Variants in SCHIP1 observed in about 807,000 individuals in gnomAD.
SCHIP1 encodes the protein schwannomin-interacting protein 1.
A neutral mutation model predicts 29.7 loss-of-function variants in SCHIP1; 8 were observed. The ratio of observed to expected loss-of-function variants is 0.27; its 90% confidence interval spans 0.16 to 0.49. The LOEUF is 0.49. Ranked by LOEUF, SCHIP1 falls within the 20% of genes least tolerant of loss-of-function variation. The pLI, the probability that SCHIP1 is intolerant of heterozygous loss-of-function variation, is 0.99. For synonymous variants in SCHIP1, 76 were observed against 94.9 expected (o/e 0.80, Z 1.16); for missense variants, 193 against 294.6 (o/e 0.66, Z 2.52).
the SCHIP1 span, among the ~76,000 whole-genome samples, chr3:159,681,917 A>G: frequency 2.4e-5 from 2 of 83,296 alleles, no homozygotes; most frequent in African/African-American, 1.4e-4. Context: ...ACGTTAACTT[A>G]GGTTAACTTG....
At chr3:159,625,330 C>T in the SCHIP1 span, among the ~76,000 whole-genome samples, 1 of 152,070 alleles carries the variant, frequency 6.6e-6, no homozygotes, top group African/African-American at 2.4e-5. Context: ...GTGAAACAGC[C>T]CACACATAAT....
At chr3:159,325,804 T>C in the SCHIP1 span, among the ~76,000 whole-genome samples, 1 of 152,066 alleles carries the variant, frequency 6.6e-6, no homozygotes, top group Non-Finnish European at 1.5e-5. Flanking sequence ...ACTATTTATA[T>C]TTTTTTCTCT....
At chr3:159,711,870 C>G in the SCHIP1 span, among the ~76,000 whole-genome samples, 1 of 152,194 alleles carries the variant, frequency 6.6e-6, no homozygotes, top group Admixed American at 6.5e-5. Context: ...CTGCCTGAGT[C>G]AGAGGACCGG....
At chr3:159,525,026 T>C in the SCHIP1 span, among the ~76,000 whole-genome samples, 2 of 152,200 alleles carry the variant, frequency 1.3e-5, no homozygotes, top group Non-Finnish European at 2.9e-5. Flanking sequence ...GGCCTTTGCA[T>C]GTGCAGTTTC....
At chr3:159,508,676 T>A in the SCHIP1 span, among the ~76,000 whole-genome samples, 1 of 152,098 alleles carries the variant, frequency 6.6e-6, no homozygotes, top group Non-Finnish European at 1.5e-5. Flanking sequence ...TGTCTTTGTT[T>A]TTGTTGGTTT....
chr3:159,849,433 C>T (rs950180452), intron 1 of SCHIP1, among the ~76,000 whole-genome samples: 3 of 152,040 alleles, frequency 2.0e-5, no homozygotes, highest in African/African-American at 7.3e-5. Context: ...TGTTAGCTAT[C>T]GATTATAGGT....
At chr3:159,839,893 T>G (rs1053736783) in exon 1 of SCHIP1, 3 of 1,390,904 alleles carry the variant, frequency 2.2e-6, no homozygotes, top group African/African-American at 3.0e-5. Context: ...ATTGGCTGAT[T>G]GTGCGGGTGA....
the SCHIP1 span, among the ~76,000 whole-genome samples, chr3:159,672,652 A>G: frequency 6.6e-6 from 1 of 152,130 alleles, no homozygotes; most frequent in South Asian, 2.1e-4. Context: ...AATGCACAGG[A>G]CAGCCCCTCA....
chr3:159,494,150 G>A, the SCHIP1 span, among the ~76,000 whole-genome samples: 444 of 152,162 alleles, frequency 2.9e-3, 1 homozygote, highest in African/African-American at 9.6e-3. Flanking sequence ...AGAGAAAGCA[G>A]GAAAGATCTA....
At chr3:159,511,515 G>A in the SCHIP1 span, among the ~76,000 whole-genome samples, 1 of 152,256 alleles carries the variant, frequency 6.6e-6, no homozygotes, top group South Asian at 2.1e-4. Flanking sequence ...GATGAACTCG[G>A]TACCTCAGCT....
At chr3:159,473,696 A>G in the SCHIP1 span, among the ~76,000 whole-genome samples, 2 of 131,878 alleles carry the variant, frequency 1.5e-5, no homozygotes, top group African/African-American at 5.5e-5. Context: ...AAAAAAAAAG[A>G]AAAGAAAAGA....
the SCHIP1 span, among the ~76,000 whole-genome samples, chr3:159,374,351 A>G: frequency 6.6e-6 from 1 of 152,190 alleles, no homozygotes; most frequent in Non-Finnish European, 1.5e-5. Context: ...ATGGCAAAGT[A>G]CTGATTTAAC....
chr3:159,425,851 C>A, the SCHIP1 span, among the ~76,000 whole-genome samples: 1 of 152,180 alleles, frequency 6.6e-6, no homozygotes, highest in Admixed American at 6.5e-5. Flanking sequence ...TCTCTCGGAC[C>A]ACAGTGCAAT....
the SCHIP1 span, among the ~76,000 whole-genome samples, chr3:159,761,583 AG>A: frequency 6.6e-6 from 1 of 152,068 alleles, no homozygotes; most frequent in African/African-American, 2.4e-5. Flanking sequence ...CCAAAGTGGG[AG>A]GGTTCCTGGC....
the SCHIP1 span, among the ~76,000 whole-genome samples, chr3:159,427,380 A>G: frequency 1.1e-4 from 16 of 151,856 alleles, no homozygotes; most frequent in African/African-American, 3.9e-4. Flanking sequence ...ATGTACAAAA[A>G]TCACAAGCAT....
the SCHIP1 span, among the ~76,000 whole-genome samples, chr3:159,439,088 C>A: frequency 6.6e-6 from 1 of 152,158 alleles, no homozygotes; most frequent in South Asian, 2.1e-4. Flanking sequence ...AATGGTTGAA[C>A]TAATTTACAC....
chr3:159,768,907 G>A, the SCHIP1 span, among the ~76,000 whole-genome samples: 3 of 152,210 alleles, frequency 2.0e-5, no homozygotes, highest in African/African-American at 7.2e-5. Flanking sequence ...ACTCCCAGAA[G>A]TGCCCCTTCC....
chr3:159,274,260 A>C, the SCHIP1 span: 1 of 985,378 alleles, frequency 1.0e-6, no homozygotes, highest in Non-Finnish European at 1.2e-6. Flanking sequence ...TTTGGAAAGT[A>C]GTTCCTGATT....
At chr3:159,404,405 T>G in the SCHIP1 span, among the ~76,000 whole-genome samples, 1 of 152,114 alleles carries the variant, frequency 6.6e-6, no homozygotes, top group Non-Finnish European at 1.5e-5. Flanking sequence ...AGGAGCCCAC[T>G]GCCCTGAAGG....
Sources: allele counts gnomAD v4.1 joint callset (sites outside exome capture counted in the v4.1 genomes callset), GRCh38; gene constraint gnomAD v4.1.1; transcripts MANE v1.5; gene names NCBI Gene and HGNC (gene_info 2026-07-23, HGNC 2026-07-21).